The following SUCLG2 variants were observed in gnomAD, a reference collection of about 807,000 sequenced individuals.
SUCLG2 encodes succinate-CoA ligase GDP-forming subunit beta.
SUCLG2 carries 42 observed loss-of-function variants against 47.9 expected under a neutral mutation model. The observed-to-expected ratio is 0.88, with a 90% confidence interval of 0.69 to 1.14. The LOEUF is 1.14. SUCLG2 is among the 50% of genes most tolerant of loss of function. The pLI is 0.00. For synonymous variants in SUCLG2, 195 were observed against 197.3 expected, an observed-to-expected ratio of 0.99 and a Z score of 0.10; for missense variants, 571 against 525.9, an observed-to-expected ratio of 1.09 and a Z score of -0.84.
At chr3:67,404,036 C>A (rs1702748912) in intron 9 of SUCLG2, among the ~76,000 whole-genome samples, 1 of 152,180 alleles carries the variant, frequency 6.6e-6, no homozygotes, top group Admixed American at 6.5e-5. Flanking sequence ...CAGGCAGCTG[C>A]CACCACACCT....
intron 2 of SUCLG2, among the ~76,000 whole-genome samples, chr3:67,567,926 AGAT>A (rs1232705535): frequency 6.6e-6 from 1 of 152,202 alleles, no homozygotes; most frequent in African/African-American, 2.4e-5. Flanking sequence ...GAGGGAGAAA[AGAT>A]GATGATGACA....
chr3:67,431,653 C>A (rs527519590), intron 9 of SUCLG2, among the ~76,000 whole-genome samples: 2 of 151,824 alleles, frequency 1.3e-5, no homozygotes, highest in Non-Finnish European at 2.9e-5. Context: ...AAACCAAACA[C>A]CGCATGTTCT....
In SUCLG2 at chr3:67,430,228, A is replaced by G. The variant is rs186800125; in HGVS notation, c.1063-29377T>C. Among the ~76,000 whole-genome samples, 499 of 152,360 alleles carry G rather than the reference A, an allele frequency of 3.3e-3. 2 individuals are homozygous for G. Among genetic ancestry groups the G allele is most frequent in the African/African-American group, 0.012 (480 of 41,582 alleles). On this transcript the variant is annotated intron_variant, in intron 9 of 10. Coordinates refer to ENST00000307227, the MANE Select transcript of SUCLG2 (RefSeq NM_003848.4). ...AAAAAACTCATCAGCAAATGAAAAG[A>G]AAAGAAATTATAACAAACTGTCTCT...
intron 1 of SUCLG2, among the ~76,000 whole-genome samples, chr3:67,627,109 G>T (rs527709553): frequency 1.6e-4 from 24 of 151,920 alleles, no homozygotes; most frequent in Admixed American, 1.3e-3. Context: ...GGATTTCATG[G>T]TCAAATATCT....
At chr3:67,582,140 G>A (rs1707894536) in intron 2 of SUCLG2, among the ~76,000 whole-genome samples, 1 of 151,964 alleles carries the variant, frequency 6.6e-6, no homozygotes, top group Non-Finnish European at 1.5e-5. Context: ...TAACATTCAG[G>A]GGTACATGTA....
At chr3:67,565,115 C>T (rs1707414788) in intron 2 of SUCLG2, among the ~76,000 whole-genome samples, 1 of 152,098 alleles carries the variant, frequency 6.6e-6, no homozygotes, top group Non-Finnish European at 1.5e-5. Context: ...CAGGGAAACA[C>T]ATTAAATATG....
intron 9 of SUCLG2, among the ~76,000 whole-genome samples, chr3:67,418,793 T>A (rs1005463088): frequency 5.3e-5 from 8 of 152,132 alleles, no homozygotes; most frequent in Non-Finnish European, 1.0e-4. Context: ...AGGTGGGGCT[T>A]CCACTACCTT....
chr3:67,398,900 T>G (rs138504778), intron 10 of SUCLG2, among the ~76,000 whole-genome samples: 10,652 of 151,290 alleles, frequency 0.07, 373 homozygotes, highest in Middle Eastern at 0.13. Flanking sequence ...AAATCGTCAT[T>G]CTCAGTAAAC....
chr3:67,535,681 T>A lies in SUCLG2; in HGVS notation c.227-6495A>T, dbSNP rs367624818. On this transcript the variant is annotated intron_variant, in intron 2 of 10. Coordinates refer to ENST00000307227, the MANE Select transcript of SUCLG2 (RefSeq NM_003848.4). Reference sequence around the variant, plus strand: ...GACACCAAGCATCTCAGGATGGGCCTGGGTCCATATGGCTCAGCAGGATCA... The same window carrying A: ...GACACCAAGCATCTCAGGATGGGCCAGGGTCCATATGGCTCAGCAGGATCA... Among the ~76,000 whole-genome samples the A allele has an allele frequency of 5.3e-5, 8 of 152,168 alleles. No homozygotes were observed. The East Asian group carries it at 5.8e-4, about 11-fold the overall frequency.
intron 1 of SUCLG2, among the ~76,000 whole-genome samples, chr3:67,650,072 G>A (rs139518451): frequency 0.029 from 4,371 of 152,262 alleles, 102 homozygotes; most frequent in Middle Eastern, 0.058. Context: ...AAGGTCAATA[G>A]TTTAGCATCT....
chr3:67,607,438 A>G (rs9869349), intron 2 of SUCLG2, among the ~76,000 whole-genome samples: 74,075 of 151,612 alleles, frequency 0.49, 18,986 homozygotes, highest in African/African-American at 0.64. Flanking sequence ...CCTTTTTTTC[A>G]TTTTTTTAAT....
intron 4 of SUCLG2, 83 bp from the exon 5 acceptor site, chr3:67,520,717 T>C: frequency 6.8e-7 from 1 of 1,469,132 alleles, no homozygotes; most frequent in South Asian, 1.4e-5. Flanking sequence ...GCTACACGAA[T>C]CAAATGGCTT....
At chr3:67,391,275 C>T (rs966837778) in intron 10 of SUCLG2, among the ~76,000 whole-genome samples, 8 of 152,152 alleles carry the variant, frequency 5.3e-5, no homozygotes, top group African/African-American at 1.9e-4. Context: ...TCTGGGTGGA[C>T]ACTTTCTTAT....
intron 1 of SUCLG2, among the ~76,000 whole-genome samples, chr3:67,654,024 C>T (rs1701336040): frequency 1.3e-5 from 2 of 152,222 alleles, no homozygotes; most frequent in Admixed American, 6.5e-5. Context: ...AGGTAGCCTG[C>T]AGGAAGTTCA....
intron 10 of SUCLG2, among the ~76,000 whole-genome samples, chr3:67,368,937 C>T (rs1471962862): frequency 6.6e-6 from 1 of 152,108 alleles, no homozygotes. Context: ...CCGTAACCCA[C>T]ATTTATTATG....
chr3:67,434,426 C>T (rs2106894209), intron 9 of SUCLG2, among the ~76,000 whole-genome samples: 1 of 152,172 alleles, frequency 6.6e-6, no homozygotes, highest in East Asian at 1.9e-4. Flanking sequence ...ACTGGGGAGG[C>T]TGAGGTGGGA....
chr3:67,612,043 C>A (rs578236317), intron 1 of SUCLG2, among the ~76,000 whole-genome samples: 1 of 152,282 alleles, frequency 6.6e-6, no homozygotes, highest in African/African-American at 2.4e-5. Context: ...AACTTCAAGA[C>A]AACTCCACTT....
intron 9 of SUCLG2, among the ~76,000 whole-genome samples, chr3:67,414,521 C>T (rs914321703): frequency 1.1e-4 from 16 of 152,186 alleles, no homozygotes; most frequent in Admixed American, 1.0e-3. Context: ...ACAGAAAATA[C>T]TCTGACATAC....
intron 1 of SUCLG2, among the ~76,000 whole-genome samples, chr3:67,616,321 C>G (rs1415685240): frequency 6.6e-6 from 1 of 152,060 alleles, no homozygotes; most frequent in Non-Finnish European, 1.5e-5. Context: ...AATTATTCTA[C>G]AAGGCACAAG....
Sources: gnomAD v4.1 joint callset for allele counts (sites outside exome capture counted in the v4.1 genomes callset) on GRCh38, gnomAD v4.1.1 for gene constraint, MANE v1.5 for transcripts, NCBI Gene and HGNC (gene_info 2026-07-23, HGNC 2026-07-21) for gene names.